Variants in PIP5K1A observed in about 807,000 individuals in gnomAD.
The protein encoded by PIP5K1A is phosphatidylinositol-4-phosphate 5-kinase type 1 alpha.
Under a neutral mutation model 72.9 loss-of-function variants are expected in PIP5K1A, and 46 were observed. The observed-to-expected ratio is 0.63, with a 90% CI of 0.50 to 0.81. The LOEUF (loss-of-function observed/expected upper bound fraction) is 0.81. PIP5K1A is among the 30% of genes least tolerant of loss of function. The pLI, the probability that PIP5K1A is intolerant of heterozygous loss-of-function variation, is 0.00. For synonymous variants in PIP5K1A, 228 were observed against 255.1 expected (o/e 0.89, Z 1.01); for missense variants, 458 against 706.1 (o/e 0.65, Z 3.98).
At chr1:151,203,170 T>C (rs1009340327) in intron 1 of PIP5K1A, among the ~76,000 whole-genome samples, 16 of 152,160 alleles carry the variant, frequency 1.1e-4, no homozygotes, top group Non-Finnish European at 2.2e-4. Flanking sequence ...GATAGGATAC[T>C]AAGGTGTACA....
At chr1:151,197,020 C>T (rs774503667), upstream of PIP5K1A, among the ~76,000 whole-genome samples, 43 of 151,698 alleles carry the variant, frequency 2.8e-4, no homozygotes, top group Non-Finnish European at 4.9e-4. Flanking sequence ...GCCACCACGC[C>T]CAGCTAATTT....
intron 14 of PIP5K1A, 86 bp from the exon 15 acceptor site, chr1:151,246,834 A>C (rs916129355): frequency 2.8e-5 from 26 of 921,326 alleles, no homozygotes; most frequent in Non-Finnish European, 4.1e-5. Flanking sequence ...AAAATTAGAG[A>C]AGCAGTATGA....
At position 151,215,239 on chromosome 1, in the gene PIP5K1A, T is replaced by C. The variant is rs587667864; in HGVS notation, c.86-9006T>C. Among the ~76,000 whole-genome samples the C allele has an allele frequency of 1.1e-4, 16 of 151,872 alleles. No individual in the cohort carries two copies. The East Asian group carries it at 3.1e-3, about 29-fold the overall frequency. ...TTTTAGTAAAGACGGGGTTTCTCCA[T>C]GTTGGTCATGTTGGTCTCGAGCTCT... On this transcript the variant is annotated intron_variant, in intron 1 of 15. Coordinates refer to ENST00000368888, the MANE Select transcript of PIP5K1A (RefSeq NM_001135638.2).
intron 15 of PIP5K1A, 111 bp from the exon 16 acceptor site, chr1:151,247,752 G>A: frequency 3.5e-6 from 3 of 850,404 alleles, no homozygotes; most frequent in East Asian, 5.2e-5. Flanking sequence ...AAATATTTTT[G>A]GTACCTCATA....
upstream of PIP5K1A, among the ~76,000 whole-genome samples, chr1:151,196,046 G>C (rs1037501592): frequency 1.3e-5 from 2 of 151,082 alleles, no homozygotes; most frequent in Non-Finnish European, 3.0e-5. Context: ...TACAGGCGCC[G>C]GCCAACTCAC....
intron 1 of PIP5K1A, among the ~76,000 whole-genome samples, chr1:151,199,965 A>G (rs1684986530): frequency 6.6e-6 from 1 of 152,068 alleles, no homozygotes; most frequent in Non-Finnish European, 1.5e-5. Flanking sequence ...AGGCACACAG[A>G]CACACATACA....
chr1:151,244,148 A>G (rs987807997), intron 14 of PIP5K1A, among the ~76,000 whole-genome samples: 4 of 145,958 alleles, frequency 2.7e-5, no homozygotes, highest in Admixed American at 6.8e-5. Flanking sequence ...CATCCCTTTG[A>G]AAAAAAAAAA....
chr1:151,199,575 C>G (rs2101795386), intron 1 of PIP5K1A, among the ~76,000 whole-genome samples: 1 of 150,870 alleles, frequency 6.6e-6, no homozygotes, highest in East Asian at 1.9e-4. Flanking sequence ...GATTGGGCCA[C>G]TGCTCTCCAG....
rs1692816477 is a variant in PIP5K1A, at chr1:151,248,671, G to A, written c.*806G>A. ...AAAACAGGAGGCAGCCATGGGCTGG[G>A]AGATCATAGCCCTTCCTAGGCAGAA... On this transcript the variant is annotated 3_prime_UTR_variant, in exon 16 of 16. Coordinates refer to ENST00000368888, the MANE Select transcript of PIP5K1A (RefSeq NM_001135638.2). 6.6e-6 allele frequency: 1 copy of A among 152,650 alleles called. No homozygotes were observed. Among genetic ancestry groups the A allele is most frequent in the Admixed American group, 6.5e-5 (1 of 15,268 alleles). 9.5% of individuals were successfully genotyped at this position (152,650 alleles called of 1,614,324 possible). A position where few individuals can be genotyped will look rare whatever the true frequency, so the allele number is the denominator to read the frequency against.
intron 1 of PIP5K1A, among the ~76,000 whole-genome samples, chr1:151,215,766 C>T (rs965956937): frequency 6.6e-6 from 1 of 152,180 alleles, no homozygotes; most frequent in Admixed American, 6.6e-5. Flanking sequence ...TCAGAGGCTT[C>T]TCCTTCTGCC....
chr1:151,248,029 C>A lies in PIP5K1A; in HGVS notation c.*164C>A, dbSNP rs1216235416. On this transcript the variant is annotated 3_prime_UTR_variant, in exon 16 of 16. Coordinates refer to ENST00000368888, the MANE Select transcript of PIP5K1A (RefSeq NM_001135638.2). ...CCTCCATCTTCTTCCTGAAGAAGAACCTTCTCTCCTTCCTCTTCCTCATGA... is the reference window on the plus strand; with the variant it reads ...CCTCCATCTTCTTCCTGAAGAAGAAACTTCTCTCCTTCCTCTTCCTCATGA... 3.0e-6 allele frequency: 2 copies of A among 665,440 alleles called. No homozygotes were observed. The highest frequency in any genetic ancestry group is 2.3e-5 in the Admixed American group (1 of 42,720). The allele number at this position is 665,440 out of a possible 1,614,324, so 41.2% of individuals were successfully genotyped here. A position where few individuals can be genotyped will look rare whatever the true frequency, so the allele number is the denominator to read the frequency against.
chr1:151,245,416 A>G (rs948527158), intron 14 of PIP5K1A, among the ~76,000 whole-genome samples: 1 of 152,080 alleles, frequency 6.6e-6, no homozygotes, highest in Non-Finnish European at 1.5e-5. Context: ...TATTCAGGAC[A>G]CTACCTTTTC....
intron 8 of PIP5K1A, among the ~76,000 whole-genome samples, chr1:151,235,496 T>C (rs1413072634): frequency 6.6e-6 from 1 of 152,266 alleles, no homozygotes; most frequent in African/African-American, 2.4e-5. Context: ...AAATGTATAA[T>C]GTCCTTGAAG....
rs138071266 is a variant in PIP5K1A, at chr1:151,240,524, C to T, written c.1363+485C>T. On this transcript the variant is annotated intron_variant, in intron 12 of 15. Transcript: ENST00000368888. ...TGCCAATATTTTTTTGCAAATCTTC[C>T]ATGCTGCTGCCATAGCAAATTCTAG... Among the ~76,000 whole-genome samples the T allele has an allele frequency of 4.4e-3, 673 of 152,296 alleles. 6 individuals are homozygous for T. The highest frequency in any genetic ancestry group is 0.014 in the Middle Eastern group (4 of 294).
upstream of PIP5K1A, among the ~76,000 whole-genome samples, chr1:151,195,586 T>G (rs1388086312): frequency 1.3e-5 from 2 of 151,480 alleles, no homozygotes; most frequent in African/African-American, 2.4e-5. Flanking sequence ...AAAATAAAAA[T>G]TAAAAATATA....
chr1:151,245,961 C>T (rs1692442162), intron 14 of PIP5K1A, among the ~76,000 whole-genome samples: 3 of 152,128 alleles, frequency 2.0e-5, no homozygotes, highest in African/African-American at 7.2e-5. Flanking sequence ...CATTTGTTAT[C>T]TCAGTCTGGG....
chr1:151,208,580 C>T (rs1228735870), intron 1 of PIP5K1A, among the ~76,000 whole-genome samples: 2 of 151,188 alleles, frequency 1.3e-5, no homozygotes, highest in South Asian at 2.1e-4. Flanking sequence ...AGGCTGGTCT[C>T]GAACTCCTGA....
intron 1 of PIP5K1A, among the ~76,000 whole-genome samples, chr1:151,217,840 T>TA (rs1687858433): frequency 1.3e-5 from 2 of 152,194 alleles, no homozygotes; most frequent in South Asian, 4.1e-4. Flanking sequence ...AGTGCAGTGT[T>TA]ACGATCTTAG....
Position 151,240,058 on chromosome 1 carries a change from T to C in PIP5K1A, c.1363+19T>C, listed in dbSNP as rs778721618. ...ATTCCCTGTAAGTGGTTTCTACCAA[T>C]TGACTGCCTACTCCTGCCCAGTGGC... is the stretch of plus-strand genomic sequence containing the variant. On this transcript the variant is annotated intron_variant, in intron 12 of 15. Transcript: ENST00000368888. The C allele has an allele frequency of 6.4e-7, 1 of 1,564,116 alleles. No individual in the cohort carries two copies. The highest frequency in any genetic ancestry group is 8.8e-7 in the Non-Finnish European group (1 of 1,134,598).
Sources: gnomAD v4.1 joint callset for allele counts (sites outside exome capture counted in the v4.1 genomes callset) on GRCh38, gnomAD v4.1.1 for gene constraint, MANE v1.5 for transcripts, NCBI Gene and HGNC (gene_info 2026-07-23, HGNC 2026-07-21) for gene names.